The following LY9 variants were observed in gnomAD, a reference collection of about 807,000 sequenced individuals.
The protein encoded by LY9 is lymphocyte antigen 9.
In LY9, 59 loss-of-function variants were observed where a neutral mutation model predicts 64.6. The observed-to-expected ratio is 0.91, with a 90% CI of 0.74 to 1.13. The LOEUF (loss-of-function observed/expected upper bound fraction) is 1.13, where lower values mean the gene tolerates loss of function less well. Among genes scored for constraint, LY9 ranks in the 50% most tolerant of loss-of-function variants. The pLI, the probability that LY9 is intolerant of heterozygous loss-of-function variation, is 0.00. For synonymous variants in LY9, 281 were observed against 308.5 expected (o/e 0.91, Z 0.93); for missense variants, 789 against 797.2 (o/e 0.99, Z 0.12).
rs372951907 is a variant in LY9, at chr1:160,818,308, G to A, written c.1433G>A (p.Arg478Gln). ...ATCTTCAGCTGGTGCATTTGGAAGC[G>A]AAAAGGACGGTGTGAGTTTCCGAGA... Reference protein sequence around the residue: ...VGIFSWCIWKRKGRCSVPAFC... With the variant: ...VGIFSWCIWKQKGRCSVPAFC... The change falls in exon 6 of 10, where the codon CGA (arginine) becomes CAA (glutamine). Residue 478 changes from arginine (R) to glutamine (Q), a missense_variant. Physicochemically the swap from Arg to Gln is conservative, Grantham distance 43 (BLOSUM62 1). Transcript: ENST00000263285. 16 of 1,613,342 alleles carry A rather than the reference G, an allele frequency of 9.9e-6. No homozygotes were observed. The highest frequency in any genetic ancestry group is 2.7e-5 in the African/African-American group (2 of 74,888).
rs1455369012 is a variant in LY9, at chr1:160,816,874, A to G, written c.1342+11A>G. 8 of 1,613,930 alleles carry G rather than the reference A, an allele frequency of 5.0e-6. No homozygotes were observed. The highest frequency in any genetic ancestry group is 1.6e-4 in the Middle Eastern group (1 of 6,084). The stretch of plus-strand genomic sequence containing the variant: ...AGAACATCTGTTCAGGTTTCTCTCC[A>G]TCTCTATTTACTCAGGTCACAGGAC... On this transcript the variant is annotated intron_variant, in intron 5 of 9. Coordinates refer to ENST00000263285, the MANE Select transcript of LY9 (RefSeq NM_002348.4).
At chr1:160,804,824 T>C (rs1413168831) in intron 2 of LY9, among the ~76,000 whole-genome samples, 1 of 152,202 alleles carries the variant, frequency 6.6e-6, no homozygotes, top group Non-Finnish European at 1.5e-5. Context: ...TGGTAGGTTG[T>C]ATGTTTCTAG....
At chr1:160,811,963 A>T (rs1667511017) in intron 2 of LY9, 1 of 152,196 alleles carries the variant, frequency 6.6e-6, no homozygotes, top group Non-Finnish European at 1.5e-5. Context: ...TTCCAAAGCC[A>T]CTTCACATTT....
rs1571032613 is a variant in LY9 at position 160,816,710 on chromosome 1, A to C, written c.1189A>C (p.Thr397Pro). The part of the protein sequence containing the change: ...DGGNTVMYTW[T>P]PLQKEAVVSQ... ...GGGAAACACTGTCATGTACACATGG[A>C]CCCCGCTGCAGAAGGAAGCTGTTGT... The change falls in exon 5 of 10, where the codon ACC becomes CCC. Residue 397 changes from threonine (T) to proline (P), a missense_variant. Coordinates refer to ENST00000263285, the MANE Select transcript of LY9 (RefSeq NM_002348.4). 1 of 1,614,114 alleles carries C rather than the reference A, an allele frequency of 6.2e-7. No homozygotes were observed. The highest frequency in any genetic ancestry group is 8.5e-7 in the Non-Finnish European group (1 of 1,180,018).
rs745830143 is a variant in LY9, at chr1:160,813,897, G to A, written c.716G>A (p.Gly239Glu). ...SQRSSLPVHV[G>E]QFCTDPGASR... ...AGAAGCTCCCTCCCTGTCCATGTTG[G>A]GCAGTTCTGTACAGGTAACTGGCTC... The change falls in exon 3 of 10, where the codon GGG (glycine) becomes GAG (glutamate). Residue 239 changes from glycine (G) to glutamate (E), a missense_variant. Transcript: ENST00000263285. The A allele has an allele frequency of 1.9e-6, 3 of 1,613,966 alleles. No individual in the cohort carries two copies. The highest frequency in any genetic ancestry group is 2.5e-6 in the Non-Finnish European group (3 of 1,179,958).
chr1:160,802,786 A>G (rs1175026290), intron 2 of LY9: 2 of 481,882 alleles, frequency 4.2e-6, no homozygotes, highest in East Asian at 3.1e-4. Flanking sequence ...TCAATTGGCT[A>G]TAAACCTGTG....
intron 2 of LY9, chr1:160,809,944 A>C (rs1667338643): frequency 1.3e-5 from 2 of 152,168 alleles, no homozygotes; most frequent in Admixed American, 6.5e-5. Flanking sequence ...CAGTGGTGCA[A>C]TCTCAGCTCA....
chr1:160,804,603 G>A (rs769136507), intron 2 of LY9, among the ~76,000 whole-genome samples: 7 of 152,092 alleles, frequency 4.6e-5, no homozygotes, highest in South Asian at 2.1e-4. Flanking sequence ...TGGCCTCATC[G>A]AATGAGTTAA....
In LY9 at chr1:160,797,992, G is replaced by C. The variant is rs563336999; in HGVS notation, c.124+1681G>C. Reference sequence around the variant, plus strand: ...TTAAGAGACAGGTGAGTCAAATTCAGTTTTGCAATCTTTGAATGCTCTTTT... The same window carrying C: ...TTAAGAGACAGGTGAGTCAAATTCACTTTTGCAATCTTTGAATGCTCTTTT... On this transcript the variant is annotated intron_variant, in intron 1 of 9. Transcript: ENST00000263285. Among the ~76,000 whole-genome samples the C allele has an allele frequency of 2.5e-3, 379 of 152,198 alleles. 2 individuals are homozygous for C. Among genetic ancestry groups the C allele is most frequent in the African/African-American group, 8.6e-3 (357 of 41,502 alleles).
intron 9 of LY9, among the ~76,000 whole-genome samples, chr1:160,826,018 C>G (rs1015011828): frequency 6.6e-6 from 1 of 152,142 alleles, no homozygotes; most frequent in African/African-American, 2.4e-5. Flanking sequence ...CTTTGACTCT[C>G]CAGAACTTAA....
At chr1:160,819,461 C>A in intron 7 of LY9, 87 bp downstream of exon 7, 1 of 1,198,328 alleles carries the variant, frequency 8.3e-7, no homozygotes, top group Non-Finnish European at 1.2e-6. Flanking sequence ...GTCTGCTGGC[C>A]AGCAGTGTGG....
intron 1 of LY9, chr1:160,797,389 A>G: frequency 1.8e-6 from 1 of 562,686 alleles, no homozygotes; most frequent in Non-Finnish European, 2.3e-6. Flanking sequence ...CTCAGAGCTG[A>G]GGTCCAGTCT....
chr1:160,819,243 C>T, intron 6 of LY9, 78 bp from the exon 7 acceptor site: 1 of 1,087,008 alleles, frequency 9.2e-7, no homozygotes, highest in South Asian at 1.2e-5. Flanking sequence ...CTCCCCTTCT[C>T]ATTTGACTCT....
At chr1:160,805,919 C>CTTTTTTTTTTTTT (rs60244350) in intron 2 of LY9, among the ~76,000 whole-genome samples, 5 of 72,448 alleles carry the variant, frequency 6.9e-5, no homozygotes, top group Non-Finnish European at 1.1e-4. Flanking sequence ...CATTCTTTGT[C>CTTTTTTTTTTTTT]TTTTTTTTTT....
chr1:160,814,846 C>A, intron 4 of LY9, 85 bp downstream of exon 4: 1 of 1,112,924 alleles, frequency 9.0e-7, no homozygotes, highest in Non-Finnish European at 1.3e-6. Context: ...TCCGCTTCTC[C>A]AAGGGTCTTC....
chr1:160,819,959 G>A (rs1321991314), intron 7 of LY9, among the ~76,000 whole-genome samples: 1 of 152,026 alleles, frequency 6.6e-6, no homozygotes, highest in African/African-American at 2.4e-5. Context: ...TATGCCTACT[G>A]AAGTTTGAAA....
intron 7 of LY9, among the ~76,000 whole-genome samples, chr1:160,822,231 G>A (rs893392419): frequency 1.3e-5 from 2 of 151,642 alleles, no homozygotes; most frequent in African/African-American, 4.9e-5. Flanking sequence ...CTCTATAGAG[G>A]AAGGGGTCTC....
chr1:160,800,275 T>C, intron 2 of LY9, 193 bp downstream of exon 2: 1 of 571,270 alleles, frequency 1.8e-6, no homozygotes, highest in Non-Finnish European at 3.1e-6. Flanking sequence ...AAAAATTGAA[T>C]TGATTTTCTC....
chr1:160,824,095 G>A, intron 8 of LY9, 86 bp from the exon 9 acceptor site: 2 of 1,550,220 alleles, frequency 1.3e-6, no homozygotes, highest in Admixed American at 3.5e-5. Flanking sequence ...GAAGCCAGGG[G>A]GTATCCCCTC....
Sources: gnomAD v4.1 joint callset for allele counts (sites outside exome capture counted in the v4.1 genomes callset) on GRCh38, gnomAD v4.1.1 for gene constraint, MANE v1.5 for transcripts, NCBI Gene and HGNC (gene_info 2026-07-23, HGNC 2026-07-21) for gene names.